SPICE1: variants seen among roughly 807,000 people sequenced by gnomAD.
SPICE1 encodes the protein spindle and centriole-associated protein 1.
SPICE1 carries 75 observed loss-of-function variants against 102.7 expected under a neutral mutation model. The observed-to-expected ratio is 0.73, with a 90% confidence interval of 0.61 to 0.88. SPICE1 has a LOEUF of 0.88. SPICE1 is among the 40% of genes least tolerant of loss of function. SPICE1 has a pLI of 0.00. For missense variants in SPICE1, 979 were observed against 1,020.1 expected (o/e 0.96, Z 0.55); for synonymous variants, 308 against 350.3 (o/e 0.88, Z 1.35).
intron 2 of SPICE1, 35 bp from the exon 3 acceptor site, chr3:113,503,262 A>T (rs772256338): frequency 7.1e-5 from 109 of 1,539,682 alleles, no homozygotes; most frequent in Non-Finnish European, 9.2e-5. Context: ...TAAAAAAAAA[A>T]AAAAGTTTTC....
intron 7 of SPICE1, among the ~76,000 whole-genome samples, chr3:113,482,678 A>G (rs1459128442): frequency 1.3e-5 from 2 of 151,664 alleles, no homozygotes; most frequent in East Asian, 3.9e-4. Context: ...TCCTTTCCCT[A>G]TTGTTTGTCT....
At chr3:113,468,535 T>C (rs1936118316) in intron 9 of SPICE1, 131 bp from the exon 10 acceptor site, 1 of 1,200,988 alleles carries the variant, frequency 8.3e-7, no homozygotes, top group South Asian at 1.5e-5. Context: ...ATTTCTCTCA[T>C]AAAAATTAAA....
At chr3:113,445,418 A>C (rs892464322) in intron 17 of SPICE1, 58 bp from the exon 18 acceptor site, 3 of 1,409,648 alleles carry the variant, frequency 2.1e-6, no homozygotes, top group Admixed American at 3.4e-5. Context: ...GAGACTACTC[A>C]AGATTTACAG....
intron 2 of SPICE1, among the ~76,000 whole-genome samples, chr3:113,504,819 T>C (rs530626100): frequency 9.8e-5 from 15 of 152,334 alleles, no homozygotes; most frequent in African/African-American, 3.4e-4. Flanking sequence ...GTTTCACTAT[T>C]TTTATCAAGA....
intron 9 of SPICE1, 79 bp from the exon 10 acceptor site, chr3:113,468,483 AT>A: frequency 6.8e-7 from 1 of 1,460,106 alleles, no homozygotes; most frequent in Non-Finnish European, 9.3e-7. Flanking sequence ...TCTTTTGACT[AT>A]TGTTCACAAT....
intron 14 of SPICE1, among the ~76,000 whole-genome samples, chr3:113,452,765 G>A (rs182656125): frequency 7.8e-4 from 118 of 152,194 alleles, no homozygotes; most frequent in Non-Finnish European, 1.2e-3. Flanking sequence ...AGATCACGAG[G>A]TCAGGAATTC....
intron 11 of SPICE1, among the ~76,000 whole-genome samples, chr3:113,461,558 A>G (rs1935934577): frequency 6.6e-6 from 1 of 152,210 alleles, no homozygotes; most frequent in Admixed American, 6.5e-5. Context: ...ATCTAAAAAC[A>G]TCAGGTTTGA....
At chr3:113,485,119 G>C (rs1402862490) in intron 7 of SPICE1, among the ~76,000 whole-genome samples, 2 of 151,458 alleles carry the variant, frequency 1.3e-5, no homozygotes, top group African/African-American at 2.4e-5. Flanking sequence ...TGGGTTTCAA[G>C]CACAAAACTA....
At chr3:113,481,874 C>T (rs2107482047) in intron 7 of SPICE1, among the ~76,000 whole-genome samples, 1 of 152,262 alleles carries the variant, frequency 6.6e-6, no homozygotes. Flanking sequence ...ATGCAATAAA[C>T]ATATGTGTCC....
intron 7 of SPICE1, among the ~76,000 whole-genome samples, chr3:113,476,335 C>T (rs1189082289): frequency 6.6e-6 from 1 of 151,300 alleles, no homozygotes; most frequent in Non-Finnish European, 1.5e-5. Flanking sequence ...GGAAGAATCA[C>T]TATCGTGAAA....
At chr3:113,503,901 C>G (rs1023078692) in intron 2 of SPICE1, among the ~76,000 whole-genome samples, 2 of 146,392 alleles carry the variant, frequency 1.4e-5, no homozygotes, top group Non-Finnish European at 1.5e-5. Context: ...CCACTGCACT[C>G]CAGCCTCAGC....
At chr3:113,449,233 G>C (rs915905508) in intron 15 of SPICE1, 1 of 152,068 alleles carries the variant, frequency 6.6e-6, no homozygotes, top group African/African-American at 2.4e-5. Flanking sequence ...CCCAAATATT[G>C]ATTTGTTTGT....
At chr3:113,505,176 G>A (rs868409428) in intron 2 of SPICE1, among the ~76,000 whole-genome samples, 3 of 151,856 alleles carry the variant, frequency 2.0e-5, no homozygotes, top group Admixed American at 6.6e-5. Flanking sequence ...TGGAACCCCA[G>A]GATACAGCCA....
intron 7 of SPICE1, among the ~76,000 whole-genome samples, chr3:113,475,972 T>G (rs1936335425): frequency 1.3e-5 from 2 of 152,184 alleles, no homozygotes; most frequent in South Asian, 4.1e-4. Flanking sequence ...GGGTATTCAA[T>G]TAGGAAAAGA....
chr3:113,490,979 C>A (rs1437763358), intron 6 of SPICE1, among the ~76,000 whole-genome samples: 1 of 152,174 alleles, frequency 6.6e-6, no homozygotes, highest in Non-Finnish European at 1.5e-5. Flanking sequence ...CAGACCCTCT[C>A]TCCAGTCTTG....
At chr3:113,512,629 G>A (rs1217312503) in intron 1 of SPICE1, among the ~76,000 whole-genome samples, 2 of 151,874 alleles carry the variant, frequency 1.3e-5, no homozygotes, top group East Asian at 1.9e-4. Flanking sequence ...GGCTGGTCTC[G>A]AACTCCTGAT....
chr3:113,461,407 G>C (rs1935931916), intron 11 of SPICE1, among the ~76,000 whole-genome samples: 1 of 150,768 alleles, frequency 6.6e-6, no homozygotes, highest in South Asian at 2.1e-4. Context: ...CATACCCATA[G>C]ATTTACTTTC....
At chr3:113,461,088 A>T (rs1280815650) in intron 11 of SPICE1, among the ~76,000 whole-genome samples, 1 of 152,090 alleles carries the variant, frequency 6.6e-6, no homozygotes, top group Non-Finnish European at 1.5e-5. Flanking sequence ...AAACCTCTTC[A>T]TATAGATGTT....
chr3:113,489,859 A>C (rs919936560), intron 6 of SPICE1, among the ~76,000 whole-genome samples: 4 of 151,476 alleles, frequency 2.6e-5, no homozygotes, highest in East Asian at 3.9e-4. Flanking sequence ...AAAAAAAAAA[A>C]AAAAAAAAAA....
Sources: allele counts gnomAD v4.1 joint callset (sites outside exome capture counted in the v4.1 genomes callset), GRCh38; gene constraint gnomAD v4.1.1; transcripts MANE v1.5; gene names NCBI Gene and HGNC (gene_info 2026-07-23, HGNC 2026-07-21).